PKNOX2: variants seen among roughly 807,000 people sequenced by gnomAD.
PKNOX2 encodes the protein PBX/knotted 1 homeobox 2.
Under a neutral mutation model 53.1 loss-of-function variants are expected in PKNOX2, and 14 were observed. That is an observed-to-expected ratio of 0.26 (90% CI 0.17 to 0.41). The LOEUF is 0.41. Ranked by LOEUF, PKNOX2 falls within the 10% of genes least tolerant of loss-of-function variation. The pLI is 1.00. For missense variants in PKNOX2, 496 were observed against 602.8 expected (o/e 0.82, Z 1.85); for synonymous variants, 257 against 242.8 (o/e 1.06, Z -0.54).
intron 2 of PKNOX2, among the ~76,000 whole-genome samples, chr11:125,311,805 T>G (rs1948825742): frequency 6.6e-6 from 1 of 152,164 alleles, no homozygotes; most frequent in Non-Finnish European, 1.5e-5. Context: ...CAGCACCTCC[T>G]CCAAGCCTAT....
intron 3 of PKNOX2, among the ~76,000 whole-genome samples, chr11:125,347,770 C>G (rs912448055): frequency 4.6e-5 from 7 of 152,164 alleles, no homozygotes; most frequent in African/African-American, 1.7e-4. Flanking sequence ...GAATTTTTCC[C>G]TCCTAGATGT....
intron 4 of PKNOX2, among the ~76,000 whole-genome samples, chr11:125,353,511 G>GC (rs1422475424): frequency 6.6e-6 from 1 of 152,188 alleles, no homozygotes; most frequent in East Asian, 1.9e-4. Context: ...AAGGTGCTCA[G>GC]CCCCCCAGAA....
At chr11:125,366,891 A>G (rs1195844584) in intron 4 of PKNOX2, among the ~76,000 whole-genome samples, 2 of 152,228 alleles carry the variant, frequency 1.3e-5, no homozygotes, top group East Asian at 1.9e-4. Context: ...TTTACTAAGT[A>G]TGTGCTAGTT....
intron 1 of PKNOX2, among the ~76,000 whole-genome samples, chr11:125,174,762 G>T (rs1193803183): frequency 6.6e-6 from 1 of 152,148 alleles, no homozygotes; most frequent in Non-Finnish European, 1.5e-5. Context: ...CAGAAATCAG[G>T]CAGGAGAGCC....
intron 3 of PKNOX2, among the ~76,000 whole-genome samples, chr11:125,345,234 C>T (rs907714949): frequency 1.3e-5 from 2 of 152,188 alleles, no homozygotes; most frequent in African/African-American, 4.8e-5. Context: ...TCCCAAATTC[C>T]TTAGTCCTCC....
Position 125,422,694 on chromosome 11 carries a change from G to T in PKNOX2, c.937-6318G>T, listed in dbSNP as rs150092289. Among the ~76,000 whole-genome samples, 1 of 152,284 alleles carries T rather than the reference G, an allele frequency of 6.6e-6. No homozygotes were observed. Among genetic ancestry groups the T allele is most frequent in the Non-Finnish European group, 1.5e-5 (1 of 68,018 alleles). The stretch of plus-strand genomic sequence containing the variant: ...ACTGAGCCCCAGGACACCCCAGAGG[G>T]CTGCAGCTCTAAGAAAGTCCACCTG... On this transcript the variant is annotated intron_variant, in intron 10 of 12. Transcript: ENST00000298282. This position sits in a 1 kb window ranked among gnomAD's most constrained non-coding sequence, Gnocchi z 4.1.
chr11:125,363,957 G>C (rs1952054739), intron 4 of PKNOX2, among the ~76,000 whole-genome samples: 1 of 152,208 alleles, frequency 6.6e-6, no homozygotes, highest in South Asian at 2.1e-4. Context: ...TGTGATGTCA[G>C]CCAATTTGCA....
chr11:125,316,581 T>A (rs903564838), intron 2 of PKNOX2, among the ~76,000 whole-genome samples: 1 of 152,238 alleles, frequency 6.6e-6, no homozygotes, highest in South Asian at 2.1e-4. Context: ...ATGAATCTTT[T>A]GGTTTCCCAG....
intron 2 of PKNOX2, among the ~76,000 whole-genome samples, chr11:125,253,980 G>A (rs1407671913): frequency 2.0e-5 from 3 of 152,108 alleles, no homozygotes; most frequent in Non-Finnish European, 4.4e-5. Flanking sequence ...TGGGAGCATC[G>A]AAGGAAGCCG....
intron 1 of PKNOX2, among the ~76,000 whole-genome samples, chr11:125,222,471 T>C (rs182379313): frequency 6.6e-6 from 1 of 152,312 alleles, no homozygotes; most frequent in East Asian, 1.9e-4. Flanking sequence ...CCTGAGTACC[T>C]AGGGACTGGG....
chr11:125,290,944 C>T (rs1947265475), intron 2 of PKNOX2, among the ~76,000 whole-genome samples: 1 of 152,098 alleles, frequency 6.6e-6, no homozygotes, highest in Admixed American at 6.5e-5. Flanking sequence ...TAGGGGTTAA[C>T]CAGGAGAAGC....
At chr11:125,385,525 T>C in intron 5 of PKNOX2, 26 bp from the exon 6 acceptor site, 1 of 1,591,608 alleles carries the variant, frequency 6.3e-7, no homozygotes, top group Middle Eastern at 1.9e-4. Flanking sequence ...TGTGTGCGCA[T>C]GTGTGAGCTC....
At chr11:125,256,176 G>T (rs544249889) in intron 2 of PKNOX2, among the ~76,000 whole-genome samples, 1 of 152,156 alleles carries the variant, frequency 6.6e-6, no homozygotes, top group East Asian at 1.9e-4. Context: ...CAGGGCAGTG[G>T]CAATTGCTGG....
At chr11:125,410,068 G>C in intron 7 of PKNOX2, 128 bp from the exon 8 acceptor site, 1 of 1,290,368 alleles carries the variant, frequency 7.7e-7, no homozygotes, top group Non-Finnish European at 1.1e-6. Flanking sequence ...TCTGGACCTG[G>C]GTCTGGGGAG....
chr11:125,221,522 G>A (rs1054791534), intron 1 of PKNOX2, among the ~76,000 whole-genome samples: 5 of 152,130 alleles, frequency 3.3e-5, no homozygotes, highest in Admixed American at 2.0e-4. Context: ...CAGCCACGCC[G>A]TTTAGTGTTG....
intron 2 of PKNOX2, among the ~76,000 whole-genome samples, chr11:125,323,855 T>TTGTGTGTGTGTG (rs57415781): frequency 3.4e-4 from 51 of 149,892 alleles, no homozygotes; most frequent in African/African-American, 1.2e-3. Context: ...GTTTCTGGGG[T>TTGTGTGTGTGTG]TGTGTGTGTG....
chr11:125,315,548 G>A (rs767119262), intron 2 of PKNOX2, among the ~76,000 whole-genome samples: 15 of 152,148 alleles, frequency 9.9e-5, no homozygotes, highest in Non-Finnish European at 1.3e-4. Context: ...TGGCCTGGCC[G>A]GTGGGAGGCC....
chr11:125,249,785 T>G (rs1329888017), intron 2 of PKNOX2, among the ~76,000 whole-genome samples: 1 of 152,102 alleles, frequency 6.6e-6, no homozygotes, highest in East Asian at 1.9e-4. Flanking sequence ...ATAAAAAATT[T>G]TGGGCTGCAC....
At chr11:125,182,991 C>T (rs1415870830) in intron 1 of PKNOX2, among the ~76,000 whole-genome samples, 8 of 152,144 alleles carry the variant, frequency 5.3e-5, no homozygotes, top group African/African-American at 9.7e-5. Flanking sequence ...CAAGAGGGAC[C>T]GTGGAGAGCC....
Sources: gnomAD v4.1 joint callset for allele counts (sites outside exome capture counted in the v4.1 genomes callset) on GRCh38, gnomAD v4.1.1 for gene constraint, Gnocchi (gnomAD v3.1) non-coding constraint, MANE v1.5 for transcripts, NCBI Gene and HGNC (gene_info 2026-07-23, HGNC 2026-07-21) for gene names.